Variants in CUX1 observed in about 807,000 individuals in gnomAD.
CUX1 encodes the protein protein CASP.
In CUX1, 31 loss-of-function variants were observed where a neutral mutation model predicts 158.8. The observed-to-expected ratio is 0.20, with a 90% CI of 0.15 to 0.26. CUX1 has a LOEUF of 0.26. CUX1 is among the 10% of genes least tolerant of loss of function. CUX1 has a pLI of 1.00. For missense variants in CUX1, 1,589 were observed against 2,014.6 expected (o/e 0.79, Z 4.04); for synonymous variants, 879 against 862.1 (o/e 1.02, Z -0.34).
intron 2 of CUX1, among the ~76,000 whole-genome samples, chr7:101,938,763 G>T (rs150203028): frequency 3.3e-5 from 5 of 152,018 alleles, no homozygotes; most frequent in Non-Finnish European, 7.4e-5. Context: ...AAAATTAGCC[G>T]AGCGTGATGG....
chr7:101,900,897 A>T (rs10241905), intron 1 of CUX1, among the ~76,000 whole-genome samples: 33,517 of 152,188 alleles, frequency 0.22, 5,489 homozygotes, highest in East Asian at 0.84. Context: ...AAAAGGAGCT[A>T]ATGTGTGTAA....
intron 3 of CUX1, among the ~76,000 whole-genome samples, chr7:102,061,219 C>G (rs984319998): frequency 6.6e-6 from 1 of 152,110 alleles, no homozygotes; most frequent in Non-Finnish European, 1.5e-5. Context: ...GTCACTGTGC[C>G]CAGCCAAAGA....
chr7:101,830,296 G>A (rs1256635084), intron 1 of CUX1, among the ~76,000 whole-genome samples: 1 of 152,172 alleles, frequency 6.6e-6, no homozygotes, highest in Non-Finnish European at 1.5e-5. Context: ...GGGATGTTGG[G>A]CGTGTGTTTT....
At chr7:102,016,327 G>A (rs1818583333) in intron 2 of CUX1, among the ~76,000 whole-genome samples, 1 of 152,194 alleles carries the variant, frequency 6.6e-6, no homozygotes, top group African/African-American at 2.4e-5. Flanking sequence ...CATGCTGGTG[G>A]TGATTTGACT....
chr7:101,864,415 G>T (rs1237431547), intron 1 of CUX1, among the ~76,000 whole-genome samples: 2 of 152,002 alleles, frequency 1.3e-5, no homozygotes, highest in African/African-American at 4.8e-5. Context: ...TGCTGCCTTG[G>T]TCTCCCAAAG....
upstream of CUX1, among the ~76,000 whole-genome samples, chr7:101,816,573 C>T (rs1791824908): frequency 7.1e-6 from 1 of 141,518 alleles, no homozygotes; most frequent in Non-Finnish European, 1.6e-5. Context: ...CGGTGGCGCC[C>T]GCCCGCCCGC....
chr7:102,145,011 G>A (rs1429167209), intron 8 of CUX1, among the ~76,000 whole-genome samples: 2 of 150,370 alleles, frequency 1.3e-5, no homozygotes, highest in South Asian at 2.1e-4. Context: ...TCACCTGAAC[G>A]GAGAGGCGGA....
At chr7:101,835,163 C>T (rs761408098) in intron 1 of CUX1, among the ~76,000 whole-genome samples, 1 of 152,106 alleles carries the variant, frequency 6.6e-6, no homozygotes, top group Non-Finnish European at 1.5e-5. Flanking sequence ...TGTCCTCCCT[C>T]CTGTACCCCC....
chr7:102,281,823 C>A (rs1792090354), intron 20 of CUX1: 3 of 1,590,046 alleles, frequency 1.9e-6, no homozygotes, highest in Non-Finnish European at 2.6e-6. Flanking sequence ...CCCCACTCAC[C>A]CCCTCCTTGC....
In CUX1 at chr7:102,197,056, G is replaced by A. The variant is rs1554518597; in HGVS notation, c.1645G>A (p.Glu549Lys). 3.1e-6 allele frequency: 5 copies of A among 1,614,220 alleles called. No homozygotes were observed. The Admixed American group carries it at 5.0e-5, about 16-fold the overall frequency. The change falls in exon 15 of 24, where the codon GAG (glutamate) becomes AAG (lysine). Residue 549 changes from glutamate (E) to lysine (K), a missense_variant. Coordinates refer to ENST00000292535, the MANE Select transcript of CUX1 (RefSeq NM_181552.4). ...AAGTGCTGGGAGCGTCTCCGAGGGC[G>A]AGGAGATGGACACTGCAGAAATCGC... Reference protein sequence around the residue: ...SESAGSVSEGEEMDTAEIARQ... With the variant: ...SESAGSVSEGKEMDTAEIARQ...
At chr7:102,181,540 G>A (rs185314426) in intron 11 of CUX1, among the ~76,000 whole-genome samples, 12 of 152,234 alleles carry the variant, frequency 7.9e-5, no homozygotes, top group East Asian at 1.9e-4. Flanking sequence ...AATGAAACGC[G>A]GTTTTGCAAA....
chr7:102,186,300 C>T (rs1428407954), intron 11 of CUX1, among the ~76,000 whole-genome samples: 9 of 152,066 alleles, frequency 5.9e-5, no homozygotes, highest in Admixed American at 3.3e-4. Context: ...GGAGAAGCGT[C>T]GCCAAGCAGC....
At chr7:102,123,137 A>G (rs1025923489) in intron 8 of CUX1, among the ~76,000 whole-genome samples, 2 of 152,022 alleles carry the variant, frequency 1.3e-5, no homozygotes, top group African/African-American at 2.4e-5. Context: ...AGGCTAAGGT[A>G]GGATAATTGC....
intron 20 of CUX1, among the ~76,000 whole-genome samples, chr7:102,206,296 G>A (rs782086413): frequency 2.0e-5 from 3 of 152,146 alleles, no homozygotes; most frequent in Non-Finnish European, 2.9e-5. Flanking sequence ...CCCGCGCCGT[G>A]GGTCTTCTTG....
chr7:101,890,889 C>T (rs1800810155), intron 1 of CUX1, among the ~76,000 whole-genome samples: 1 of 152,050 alleles, frequency 6.6e-6, no homozygotes, highest in Non-Finnish European at 1.5e-5. Flanking sequence ...TGTGGCCTGA[C>T]ATTGTTTAGG....
At chr7:101,964,593 AC>A (rs1323502852) in intron 2 of CUX1, among the ~76,000 whole-genome samples, 1 of 152,096 alleles carries the variant, frequency 6.6e-6, no homozygotes, top group Non-Finnish European at 1.5e-5. Context: ...CAAAATGCCC[AC>A]CTGTGCTCTA....
At position 102,256,338 on chromosome 7, in the gene CUX1, C is replaced by T; in HGVS notation, c.*7296C>T. 1 of 984,308 alleles carries T rather than the reference C, an allele frequency of 1.0e-6. No individual in the cohort carries two copies. The highest frequency in any genetic ancestry group is 1.2e-6 in the Non-Finnish European group (1 of 829,048). 61.0% of individuals were successfully genotyped at this position (984,308 alleles called of 1,614,324 possible). ...AGAAAAAAAAAATTATTTCTATCCT[C>T]TTCTATTTATTATTAGGTTAATCAT... On this transcript the variant is annotated 3_prime_UTR_variant, in exon 24 of 24. Transcript: ENST00000292535.
intron 1 of CUX1, among the ~76,000 whole-genome samples, chr7:101,865,869 G>A (rs1223223864): frequency 6.6e-6 from 1 of 152,196 alleles, no homozygotes; most frequent in African/African-American, 2.4e-5. Flanking sequence ...GTGGATTCAG[G>A]GGAAAGCAGC....
upstream of CUX1, chr7:101,816,164 G>T (rs1310989622): frequency 5.8e-6 from 5 of 855,172 alleles, no homozygotes; most frequent in African/African-American, 1.9e-5. Context: ...TCCGCCGGGG[G>T]CCCCGGGCTG....
Sources: gnomAD v4.1 joint callset for allele counts (sites outside exome capture counted in the v4.1 genomes callset) on GRCh38, gnomAD v4.1.1 for gene constraint, MANE v1.5 for transcripts, NCBI Gene and HGNC (gene_info 2026-07-23, HGNC 2026-07-21) for gene names.